The following GABRB1 variants were observed in gnomAD, a reference collection of about 807,000 sequenced individuals.
GABRB1 encodes gamma-aminobutyric acid receptor subunit beta-1.
A neutral mutation model predicts 51.6 loss-of-function variants in GABRB1; 17 were observed. The observed-to-expected ratio is 0.33, with a 90% confidence interval of 0.23 to 0.49. The LOEUF (loss-of-function observed/expected upper bound fraction) is 0.49, where lower values mean the gene tolerates loss of function less well. GABRB1 is among the 20% of genes least tolerant of loss of function. GABRB1 has a pLI of 0.99. For missense variants in GABRB1, 410 were observed against 600.6 expected (o/e 0.68, Z 3.32); for synonymous variants, 247 against 218.9 (o/e 1.13, Z -1.14).
intron 8 of GABRB1, among the ~76,000 whole-genome samples, chr4:47,421,603 C>T (rs1284052985): frequency 6.6e-6 from 1 of 152,050 alleles, no homozygotes; most frequent in East Asian, 1.9e-4. Flanking sequence ...TATCCAAGTC[C>T]ATTTCTGAGT....
intron 3 of GABRB1, among the ~76,000 whole-genome samples, chr4:47,058,010 C>G (rs1192823524): frequency 2.6e-5 from 4 of 152,086 alleles, no homozygotes; most frequent in Admixed American, 1.3e-4. Context: ...GTCTGGAGAC[C>G]ACAAAATGCA....
At chr4:47,007,004 G>T (rs1577818527) in intron 1 of GABRB1, among the ~76,000 whole-genome samples, 1 of 152,090 alleles carries the variant, frequency 6.6e-6, no homozygotes, top group African/African-American at 2.4e-5. Context: ...GCCAGGCATG[G>T]TAGCATGTAC....
rs183579739 is a variant in GABRB1, at chr4:47,130,505, T to G, written c.241-30744T>G. ...CAGTCTGGAGCCCACTTCCCTCTTT[T>G]GCTGTATTTATTCTGGCTCTTCTCA... On this transcript the variant is annotated intron_variant, in intron 3 of 8. Coordinates refer to ENST00000295454, the MANE Select transcript of GABRB1 (RefSeq NM_000812.4). Among the ~76,000 whole-genome samples the G allele has an allele frequency of 6.4e-4, 98 of 152,258 alleles. 1 individual carries two copies. Among genetic ancestry groups the G allele is most frequent in the African/African-American group, 2.1e-3 (87 of 41,552 alleles).
chr4:47,141,147 T>C (rs1386519822), intron 3 of GABRB1, among the ~76,000 whole-genome samples: 1 of 151,880 alleles, frequency 6.6e-6, no homozygotes, highest in South Asian at 2.1e-4. Context: ...TCTTCTCCTA[T>C]GTAGAGATGT....
intron 1 of GABRB1, among the ~76,000 whole-genome samples, chr4:46,995,513 C>T (rs190702713): frequency 6.6e-6 from 1 of 152,198 alleles, no homozygotes; most frequent in Admixed American, 6.5e-5. Context: ...TATGTGTCAC[C>T]ATGCTCTGTT....
intron 3 of GABRB1, among the ~76,000 whole-genome samples, chr4:47,112,155 G>T (rs888002680): frequency 1.3e-5 from 2 of 150,958 alleles, no homozygotes; most frequent in Non-Finnish European, 1.5e-5. Context: ...GTTTTTTCTT[G>T]TTTGTTTGTT....
At chr4:47,297,381 AAG>A (rs1724045743) in intron 4 of GABRB1, among the ~76,000 whole-genome samples, 1 of 100,266 alleles carries the variant, frequency 1.0e-5, no homozygotes, top group African/African-American at 3.9e-5. Context: ...TAAAGAAGAA[AAG>A]AGAGAAGAAT....
Position 47,115,740 on chromosome 4 carries a change from A to G in GABRB1, c.241-45509A>G, listed in dbSNP as rs369768369. On this transcript the variant is annotated intron_variant, in intron 3 of 8. Coordinates refer to ENST00000295454, the MANE Select transcript of GABRB1 (RefSeq NM_000812.4). ...ACAATAAGATTTTTAAATAAAACAT[A>G]TGTATTATGTTAACAGCATGTTAAA... Among the ~76,000 whole-genome samples the G allele has an allele frequency of 4.7e-5, 7 of 150,016 alleles. No homozygotes were observed. In the South Asian group the frequency reaches 1.1e-3, roughly 23 times the overall value.
intron 3 of GABRB1, among the ~76,000 whole-genome samples, chr4:47,036,214 A>G (rs898583236): frequency 2.0e-5 from 3 of 152,230 alleles, no homozygotes; most frequent in Non-Finnish European, 4.4e-5. Context: ...AGACAAATTT[A>G]ATTTACCAAA....
At chr4:47,098,964 T>A (rs1173582190) in intron 3 of GABRB1, among the ~76,000 whole-genome samples, 7 of 152,076 alleles carry the variant, frequency 4.6e-5, no homozygotes, top group Non-Finnish European at 1.0e-4. Context: ...CTTAGACAGC[T>A]CTTAACTAAA....
chr4:47,329,990 A>G (rs1439965017), intron 5 of GABRB1, among the ~76,000 whole-genome samples: 1 of 152,114 alleles, frequency 6.6e-6, no homozygotes, highest in Non-Finnish European at 1.5e-5. Context: ...GTCCCAGTCC[A>G]AAGGCTTGAG....
At chr4:47,404,463 T>C (rs1728499694) in intron 7 of GABRB1, among the ~76,000 whole-genome samples, 2 of 149,770 alleles carry the variant, frequency 1.3e-5, no homozygotes, top group Admixed American at 1.4e-4. Flanking sequence ...GTTATCTCTT[T>C]CTGGGGCTAA....
At chr4:47,128,613 T>C (rs763735539) in intron 3 of GABRB1, among the ~76,000 whole-genome samples, 1 of 152,052 alleles carries the variant, frequency 6.6e-6, no homozygotes, top group Non-Finnish European at 1.5e-5. Flanking sequence ...ATAGAAATCA[T>C]ATCATGTAGC....
rs79345852 is a variant in GABRB1, at chr4:47,084,777, C to G, written c.240+52293C>G. Among the ~76,000 whole-genome samples the G allele has an allele frequency of 4.2e-3, 644 of 152,246 alleles. 2 individuals are homozygous for G. Among genetic ancestry groups the G allele is most frequent in the South Asian group, 8.7e-3 (42 of 4,826 alleles). Reference sequence around the variant, plus strand: ...GGTAGCCCAGGTACCCATAGTGTTCCTCATCAGAGCCAGGAACAGGACCCT... The same window carrying G: ...GGTAGCCCAGGTACCCATAGTGTTCGTCATCAGAGCCAGGAACAGGACCCT... On this transcript the variant is annotated intron_variant, in intron 3 of 8. Coordinates refer to ENST00000295454, the MANE Select transcript of GABRB1 (RefSeq NM_000812.4).
intron 4 of GABRB1, among the ~76,000 whole-genome samples, chr4:47,234,008 C>T (rs1721234081): frequency 6.6e-6 from 1 of 152,134 alleles, no homozygotes. Flanking sequence ...TGATGTGTGA[C>T]AGAATCATAA....
chr4:47,031,818 G>GT, intron 1 of GABRB1, 87 bp downstream of exon 1: 1 of 1,494,700 alleles, frequency 6.7e-7, no homozygotes. Flanking sequence ...GCTGGATCAT[G>GT]TATCTTGTTG....
intron 2 of GABRB1, 23 bp downstream of exon 2, chr4:47,032,028 C>G (rs755408640): frequency 6.4e-7 from 1 of 1,553,526 alleles, no homozygotes; most frequent in East Asian, 2.3e-5. Flanking sequence ...CTTTTTTCAA[C>G]CTGTAACCCA....
At chr4:47,005,228 C>A (rs998760128) in intron 1 of GABRB1, among the ~76,000 whole-genome samples, 1 of 152,224 alleles carries the variant, frequency 6.6e-6, no homozygotes, top group African/African-American at 2.4e-5. Context: ...ACCATCCTGG[C>A]TAACACGGTG....
At chr4:47,246,951 G>A (rs1721787927) in intron 4 of GABRB1, among the ~76,000 whole-genome samples, 1 of 151,922 alleles carries the variant, frequency 6.6e-6, no homozygotes. Context: ...AGATTGTGAA[G>A]ATTTTCTCCC....
Sources: gnomAD v4.1 joint callset for allele counts (sites outside exome capture counted in the v4.1 genomes callset) on GRCh38, gnomAD v4.1.1 for gene constraint, MANE v1.5 for transcripts, NCBI Gene and HGNC (gene_info 2026-07-23, HGNC 2026-07-21) for gene names.